TSG101: variants seen among roughly 807,000 people sequenced by gnomAD.
TSG101 encodes the protein tumor susceptibility 101.
In TSG101, 19 loss-of-function variants were observed where a neutral mutation model predicts 48.5. The ratio of observed to expected loss-of-function variants is 0.39; its 90% CI spans 0.27 to 0.58. The LOEUF (loss-of-function observed/expected upper bound fraction) is 0.58, where lower values mean the gene tolerates loss of function less well. Among genes scored for constraint, TSG101 ranks in the 20% least tolerant of loss-of-function variants. TSG101 has a pLI of 0.55. For synonymous variants in TSG101, 174 were observed against 169.4 expected (o/e 1.03, Z -0.21); for missense variants, 365 against 484.4 (o/e 0.75, Z 2.31).
chr11:18,494,971 G>T (rs192167589), intron 7 of TSG101, among the ~76,000 whole-genome samples: 1 of 152,222 alleles, frequency 6.6e-6, no homozygotes, highest in African/African-American at 2.4e-5. Context: ...TAAATATTCA[G>T]TATGGACTAA....
At position 18,484,043 on chromosome 11, in the gene TSG101, C is replaced by T. The variant is rs770241615; in HGVS notation, c.670G>A (p.Asp224Asn). The T allele has an allele frequency of 2.5e-6, 4 of 1,614,064 alleles. No individual in the cohort carries two copies. Among genetic ancestry groups the T allele is most frequent in the Non-Finnish European group, 3.4e-6 (4 of 1,180,048 alleles). Residue 224 changes from aspartate to asparagine, a missense_variant, in exon 8 of 10, where the codon GAC (aspartate) becomes AAC (asparagine). Asp to Asn is a conservative substitution (Grantham distance 23). Coordinates refer to ENST00000251968, the MANE Select transcript of TSG101 (RefSeq NM_006292.4). ...GAGATGAGAGAGGCTCGGATGGTGT[C>T]CTCGCTGATTGTGCCATCCCTACTG... ...GPSRDGTISEDTIRASLISAV... is the reference protein window; with the variant it reads ...GPSRDGTISENTIRASLISAV...
chr11:18,495,841 G>A (rs112268279), intron 7 of TSG101, among the ~76,000 whole-genome samples: 7 of 151,348 alleles, frequency 4.6e-5, no homozygotes, highest in African/African-American at 2.4e-5. Flanking sequence ...GGAGAATGGC[G>A]TGAACCTGGA....
At chr11:18,513,133 C>G (rs1850116592) in intron 4 of TSG101, among the ~76,000 whole-genome samples, 1 of 152,070 alleles carries the variant, frequency 6.6e-6, no homozygotes, top group African/African-American at 2.4e-5. Flanking sequence ...ACTTGTTCCC[C>G]TTCTTGATAA....
At chr11:18,516,253 C>T (rs7942548) in intron 2 of TSG101, 89 bp from the exon 3 acceptor site, 439,112 of 1,170,334 alleles carry the variant, frequency 0.38, 89,277 homozygotes, top group East Asian at 0.74. Context: ...TAAAATTCAT[C>T]ATTATCCTTG....
chr11:18,490,885 A>T, intron 7 of TSG101: 1 of 510,802 alleles, frequency 2.0e-6, no homozygotes, highest in Non-Finnish European at 3.9e-6. Context: ...CTTCGTGACT[A>T]CAGCCATATC....
Position 18,483,976 on chromosome 11 carries a change from A to T in TSG101, c.737T>A (p.Met246Lys), listed in dbSNP as rs1849583431. The change falls in exon 8 of 10, where the codon ATG (methionine) becomes AAG (lysine). Residue 246 changes from methionine to lysine, a missense_variant. Coordinates refer to ENST00000251968, the MANE Select transcript of TSG101 (RefSeq NM_006292.4). ...DKLRWRMKEE[M>K]DRAQAELNAL... ...ATTGAGCTCTGCCTGGGCACGATCC[A>T]TTTCCTCCTTCATCCGCCATCTCAG... 7 of 1,614,082 alleles carry T rather than the reference A, an allele frequency of 4.3e-6. 1 individual carries two copies. The Middle Eastern group carries it at 8.2e-4, about 190-fold the overall frequency.
chr11:18,522,808 T>C (rs1362103369), intron 1 of TSG101, among the ~76,000 whole-genome samples: 1 of 152,220 alleles, frequency 6.6e-6, no homozygotes, highest in Non-Finnish European at 1.5e-5. Context: ...TTGTTGTTCC[T>C]CTATCATGCA....
At chr11:18,524,499 T>C (rs779255342) in intron 1 of TSG101, among the ~76,000 whole-genome samples, 7 of 152,214 alleles carry the variant, frequency 4.6e-5, no homozygotes, top group East Asian at 3.8e-4. Flanking sequence ...AGGAAAACAT[T>C]TGAAGCCCTT....
At chr11:18,504,221 A>G (rs1292457977) in intron 6 of TSG101, among the ~76,000 whole-genome samples, 3 of 150,492 alleles carry the variant, frequency 2.0e-5, no homozygotes, top group Non-Finnish European at 4.4e-5. Context: ...AAAAAAAAAA[A>G]GCTAGCCTAG....
chr11:18,483,098 G>A (rs193290295), intron 8 of TSG101, among the ~76,000 whole-genome samples: 2 of 152,116 alleles, frequency 1.3e-5, no homozygotes, highest in Non-Finnish European at 2.9e-5. Context: ...CATGGGAGCC[G>A]GTCTTTCTAT....
chr11:18,526,933 G>A lies in TSG101; in HGVS notation c.-117C>T. On this transcript the variant is annotated 5_prime_UTR_variant, in exon 1 of 10. Transcript: ENST00000251968. Reference sequence around the variant, plus strand: ...CCCGGCCTCAAACAACAGGAAGTCGGCACCACTACACCACTTCCGCTTCCA... The same window carrying A: ...CCCGGCCTCAAACAACAGGAAGTCGACACCACTACACCACTTCCGCTTCCA... 4.4e-6 allele frequency: 5 copies of A among 1,125,224 alleles called. No individual in the cohort carries two copies. Among genetic ancestry groups the A allele is most frequent in the Non-Finnish European group, 6.3e-6 (5 of 787,410 alleles). 69.7% of individuals were successfully genotyped at this position (1,125,224 alleles called of 1,614,324 possible).
intron 1 of TSG101, 97 bp downstream of exon 1, chr11:18,526,678 G>C: frequency 6.8e-7 from 1 of 1,461,326 alleles, no homozygotes; most frequent in Non-Finnish European, 9.2e-7. Flanking sequence ...CTTCCGGCCC[G>C]TCTGGGAAGC....
At chr11:18,489,239 T>C (rs1849664536) in intron 7 of TSG101, among the ~76,000 whole-genome samples, 1 of 152,064 alleles carries the variant, frequency 6.6e-6, no homozygotes, top group African/African-American at 2.4e-5. Context: ...TTTTTTTTTT[T>C]TTTGGAGATG....
At chr11:18,516,518 G>GT (rs1013499370) in intron 2 of TSG101, among the ~76,000 whole-genome samples, 15 of 151,256 alleles carry the variant, frequency 9.9e-5, no homozygotes, top group African/African-American at 3.6e-4. Context: ...CTAATTTTTT[G>GT]TATCTTTAGT....
intron 1 of TSG101, among the ~76,000 whole-genome samples, chr11:18,522,333 A>G (rs1850291097): frequency 6.6e-6 from 1 of 152,210 alleles, no homozygotes; most frequent in Admixed American, 6.5e-5. Context: ...TCTTCTCCCC[A>G]AATTTACTTC....
At chr11:18,521,247 G>A (rs1850267873) in intron 1 of TSG101, among the ~76,000 whole-genome samples, 1 of 151,326 alleles carries the variant, frequency 6.6e-6, no homozygotes, top group East Asian at 1.9e-4. Flanking sequence ...TGTTCATTAA[G>A]GTCACCAATA....
chr11:18,526,790 C>T lies in TSG101; in HGVS notation c.27G>A (p.Lys9=). 6.2e-7 allele frequency: 1 copy of T among 1,603,148 alleles called. No homozygotes were observed. Among genetic ancestry groups the T allele is most frequent in the South Asian group, 1.1e-5 (1 of 91,016 alleles). ...GCAGCCTCACCTTGGACACCATTTTCTTGAGCTGGCTCTCCGACACCGCCA... is the reference window on the plus strand; with the variant it reads ...GCAGCCTCACCTTGGACACCATTTTTTTGAGCTGGCTCTCCGACACCGCCA... The part of the protein sequence containing the change: MAVSESQL[K]KMVSKYKYRD... Residue 9 remains lysine (K), a synonymous_variant, in exon 1 of 10, where the codon AAG becomes AAA. Coordinates refer to ENST00000251968, the MANE Select transcript of TSG101 (RefSeq NM_006292.4).
At chr11:18,499,705 C>T (rs1849858323) in intron 7 of TSG101, among the ~76,000 whole-genome samples, 1 of 151,610 alleles carries the variant, frequency 6.6e-6, no homozygotes, top group Non-Finnish European at 1.5e-5. Flanking sequence ...GCCACTGTGC[C>T]TGGCCTAAAA....
rs1850384946 is a variant in TSG101, at chr11:18,526,829, G to C, written c.-13C>G. The C allele has an allele frequency of 2.5e-6, 4 of 1,601,042 alleles. No individual in the cohort carries two copies. The highest frequency in any genetic ancestry group is 3.4e-6 in the Non-Finnish European group (4 of 1,179,014). On this transcript the variant is annotated 5_prime_UTR_variant, in exon 1 of 10. Transcript: ENST00000251968. Reference sequence around the variant, plus strand: ...CCGACACCGCCATGACGGCCGCCTGGCGACTCCCTTCCCCGCAGGCAGAGG... The same window carrying C: ...CCGACACCGCCATGACGGCCGCCTGCCGACTCCCTTCCCCGCAGGCAGAGG...
Sources: gnomAD v4.1 joint callset for allele counts (sites outside exome capture counted in the v4.1 genomes callset) on GRCh38, gnomAD v4.1.1 for gene constraint, MANE v1.5 for transcripts, NCBI Gene and HGNC (gene_info 2026-07-23, HGNC 2026-07-21) for gene names.